Variants in BMP7 observed in about 807,000 individuals in gnomAD.
The protein encoded by BMP7 is bone morphogenetic protein 7.
BMP7 carries 12 observed loss-of-function variants against 41.2 expected under a neutral mutation model. The observed-to-expected ratio is 0.29, with a 90% CI of 0.19 to 0.47. BMP7 has a LOEUF of 0.47. Ranked by LOEUF, BMP7 falls within the 20% of genes least tolerant of loss-of-function variation. The probability of loss-of-function intolerance (pLI) is 0.99; values close to 1 mark genes in which losing one functional copy is unlikely to be tolerated. For missense variants in BMP7, 467 were observed against 606.0 expected (o/e 0.77, Z 2.41); for synonymous variants, 248 against 250.0 (o/e 0.99, Z 0.07).
intron 1 of BMP7, among the ~76,000 whole-genome samples, chr20:57,242,524 A>G (rs1348795961): frequency 2.0e-5 from 3 of 152,184 alleles, no homozygotes; most frequent in South Asian, 2.1e-4. Context: ...CCATGTAAAA[A>G]GCTGCTGATA....
chr20:57,215,572 C>A lies in BMP7; in HGVS notation c.611+12657G>T, dbSNP rs1011755917. 6.6e-6 allele frequency: 1 copy of A among 152,182 alleles called. No individual in the cohort carries two copies. The highest frequency in any genetic ancestry group is 2.4e-5 in the African/African-American group (1 of 41,442). The allele number at this position is 152,182 out of a possible 1,614,324, so 9.4% of individuals were successfully genotyped here. ...GCTGGATTCCAGCTCACAGAACACA[C>A]CAAGAACTCTGGTGAAACATCAAGA... On this transcript the variant is annotated intron_variant, in intron 2 of 6. Coordinates refer to ENST00000395863, the MANE Select transcript of BMP7 (RefSeq NM_001719.3). The surrounding 1 kb of genome is among the most constrained non-coding windows in gnomAD (Gnocchi z 4.2).
chr20:57,264,954 C>T (rs1270501572), intron 1 of BMP7, among the ~76,000 whole-genome samples: 1 of 144,404 alleles, frequency 6.9e-6, no homozygotes, highest in Non-Finnish European at 1.5e-5. Flanking sequence ...TCGCTTGAAC[C>T]CGGGAGGCAG....
In BMP7 at chr20:57,202,637, G is replaced by C; in HGVS notation, c.612-14C>G. 6.2e-7 allele frequency: 1 copy of C among 1,608,804 alleles called. No individual in the cohort carries two copies. The highest frequency in any genetic ancestry group is 8.5e-7 in the Non-Finnish European group (1 of 1,179,862). Reference sequence around the variant, plus strand: ...AGATCCGATTCCCTGCGAGAGAGGAGGAGAGACACGGGCTTCGCGTTAGCC... The same window carrying C: ...AGATCCGATTCCCTGCGAGAGAGGACGAGAGACACGGGCTTCGCGTTAGCC... On this transcript the variant is annotated splice_polypyrimidine_tract_variant and intron_variant, in intron 2 of 6. Coordinates refer to ENST00000395863, the MANE Select transcript of BMP7 (RefSeq NM_001719.3).
chr20:57,232,399 C>T (rs1299726895), intron 1 of BMP7, among the ~76,000 whole-genome samples: 26 of 151,932 alleles, frequency 1.7e-4, no homozygotes, highest in Non-Finnish European at 1.5e-5. Flanking sequence ...TTACACAGTG[C>T]ACTTATGATT....
intron 3 of BMP7, among the ~76,000 whole-genome samples, chr20:57,194,727 C>T (rs1214639136): frequency 6.6e-6 from 1 of 152,244 alleles, no homozygotes; most frequent in Admixed American, 6.5e-5. Flanking sequence ...GCTGGAATCT[C>T]CCAAGGTAGA....
In BMP7 at chr20:57,170,993, C is replaced by A; in HGVS notation, c.1262G>T (p.Arg421Ile). Residue 421 changes from arginine to isoleucine, a missense_variant, in exon 7 of 7, where the codon AGA becomes ATA. Coordinates refer to ENST00000395863, the MANE Select transcript of BMP7 (RefSeq NM_001719.3). ...DSSNVILKKYRNMVVRACGCH is the reference protein window; with the variant it reads ...DSSNVILKKYINMVVRACGCH The stretch of plus-strand genomic sequence containing the variant: ...GCCACAGGCCCGGACCACCATGTTT[C>A]TGTATTTCTTCAGGATGACGTTGGA... 6.2e-7 allele frequency: 1 copy of A among 1,614,052 alleles called. No individual in the cohort carries two copies. Among genetic ancestry groups the A allele is most frequent in the Non-Finnish European group, 8.5e-7 (1 of 1,179,994 alleles).
At chr20:57,209,239 TTATATA>T (rs1239320469) in intron 2 of BMP7, among the ~76,000 whole-genome samples, 2 of 63,502 alleles carry the variant, frequency 3.1e-5, no homozygotes, top group Non-Finnish European at 6.9e-5. Context: ...ATACCTAGAT[TTATATA>T]TTTTTATATA....
At position 57,265,831 on chromosome 20, in the gene BMP7, G is replaced by A. The variant is rs1326833140; in HGVS notation, c.292C>T (p.Pro98Ser). 3 of 1,606,186 alleles carry A rather than the reference G, an allele frequency of 1.9e-6. No homozygotes were observed. The highest frequency in any genetic ancestry group is 2.7e-5 in the African/African-American group (2 of 74,858). Residue 98 changes from proline to serine, a missense_variant, in exon 1 of 7, where the codon CCC becomes TCC. Pro to Ser is a moderately conservative substitution (Grantham distance 74, BLOSUM62 -1). Coordinates refer to ENST00000395863, the MANE Select transcript of BMP7 (RefSeq NM_001719.3). ...GGGTAGGAGAAGCCCTGGCCGCCGG[G>A]CCCGCCGCCCTCCTCCACCGCCATG... ...NAMAVEEGGGPGGQGFSYPYK... is the reference protein window; with the variant it reads ...NAMAVEEGGGSGGQGFSYPYK...
chr20:57,256,558 G>C (rs1231187317), intron 1 of BMP7, among the ~76,000 whole-genome samples: 2 of 152,298 alleles, frequency 1.3e-5, no homozygotes, highest in Non-Finnish European at 2.9e-5. Flanking sequence ...AAATTTTGGG[G>C]TACATACCCT....
intron 1 of BMP7, among the ~76,000 whole-genome samples, chr20:57,233,082 A>G (rs1221248874): frequency 2.0e-5 from 3 of 152,146 alleles, no homozygotes; most frequent in Non-Finnish European, 2.9e-5. Context: ...AGGTGAAAAT[A>G]TGTCTTTATA....
chr20:57,179,622 A>G (rs1480532275), intron 4 of BMP7, among the ~76,000 whole-genome samples: 1 of 152,200 alleles, frequency 6.6e-6, no homozygotes, highest in African/African-American at 2.4e-5. Context: ...GGCTGCCGAG[A>G]GATTCAACTT....
At chr20:57,211,818 A>T (rs987025165) in intron 2 of BMP7, among the ~76,000 whole-genome samples, 3 of 152,180 alleles carry the variant, frequency 2.0e-5, no homozygotes, top group African/African-American at 7.2e-5. Flanking sequence ...CAGGCTCTCC[A>T]GAAAAGATGC....
At chr20:57,217,153 C>T (rs565314883) in intron 2 of BMP7, among the ~76,000 whole-genome samples, 12 of 152,190 alleles carry the variant, frequency 7.9e-5, no homozygotes, top group Non-Finnish European at 8.8e-5. Context: ...GCTCTCAATC[C>T]CACTTGCAAA....
rs570414586 is a variant in BMP7, at chr20:57,189,703, C to T, written c.761-5784G>A. 2.6e-5 allele frequency among the ~76,000 whole-genome samples: 4 copies of T among 152,374 alleles called. No homozygotes were observed. The South Asian group carries it at 8.3e-4, about 32-fold the overall frequency. On this transcript the variant is annotated intron_variant, in intron 3 of 6. Transcript: ENST00000395863. ...ACTGAGATAGAAGCATCCTTTGCCT[C>T]GTCCTCCTCTCCTAACGTAGGTTCT... is the stretch of plus-strand genomic sequence containing the variant.
At position 57,215,074 on chromosome 20, in the gene BMP7, A is replaced by T. The variant is rs1473461019; in HGVS notation, c.612-12451T>A. 3 of 152,206 alleles carry T rather than the reference A, an allele frequency of 2.0e-5. No individual in the cohort carries two copies. Among genetic ancestry groups the T allele is most frequent in the Non-Finnish European group, 4.4e-5 (3 of 68,048 alleles). 9.4% of individuals were successfully genotyped at this position (152,206 alleles called of 1,614,324 possible). A position where few individuals can be genotyped will look rare whatever the true frequency, so the allele number is the denominator to read the frequency against. ...TCACAGTTCACTGGGGCCTTAGCCCACCCAGCCCACTCTATGTCCCACTGG... is the reference window on the plus strand; with the variant it reads ...TCACAGTTCACTGGGGCCTTAGCCCTCCCAGCCCACTCTATGTCCCACTGG... On this transcript the variant is annotated intron_variant, in intron 2 of 6. Transcript: ENST00000395863. The surrounding 1 kb of genome is among the most constrained non-coding windows in gnomAD (Gnocchi z 4.2).
chr20:57,241,180 T>C (rs2066067757), intron 1 of BMP7, among the ~76,000 whole-genome samples: 1 of 152,098 alleles, frequency 6.6e-6, no homozygotes. Flanking sequence ...ATACCAACTC[T>C]CTTCCTCACA....
intron 3 of BMP7, among the ~76,000 whole-genome samples, chr20:57,191,746 A>T (rs1020634227): frequency 1.7e-5 from 2 of 118,164 alleles, no homozygotes; most frequent in Non-Finnish European, 3.5e-5. Flanking sequence ...TATATATATA[A>T]TATATACTAT....
intron 3 of BMP7, among the ~76,000 whole-genome samples, chr20:57,195,402 T>C (rs1176509596): frequency 1.3e-5 from 2 of 152,210 alleles, no homozygotes; most frequent in East Asian, 3.9e-4. Flanking sequence ...AGTGAGAACT[T>C]AGTTAACACT....
At chr20:57,187,097 G>A (rs1428671463) in intron 3 of BMP7, 1 of 152,226 alleles carries the variant, frequency 6.6e-6, no homozygotes, top group East Asian at 1.9e-4. Flanking sequence ...CTGAGTGAAG[G>A]TGTCTGGCTT....
Sources: allele counts gnomAD v4.1 joint callset (sites outside exome capture counted in the v4.1 genomes callset), GRCh38; gene constraint gnomAD v4.1.1; non-coding constraint Gnocchi (gnomAD v3.1); transcripts MANE v1.5; gene names NCBI Gene and HGNC (gene_info 2026-07-23, HGNC 2026-07-21).